Variants in DNAJC18 observed in about 807,000 individuals in gnomAD.
DNAJC18 encodes dnaJ homolog subfamily C member 18.
A neutral mutation model predicts 48.6 loss-of-function variants in DNAJC18; 40 were observed. That is an observed-to-expected ratio of 0.82 (90% CI 0.64 to 1.07). The LOEUF is 1.07. DNAJC18 is among the 50% of genes least tolerant of loss of function. The pLI, the probability that DNAJC18 is intolerant of heterozygous loss-of-function variation, is 0.00. For missense variants in DNAJC18, 340 were observed against 427.7 expected (o/e 0.79, Z 1.81); for synonymous variants, 135 against 152.2 (o/e 0.89, Z 0.83).
intron 7 of DNAJC18, chr5:139,418,650 C>A: frequency 2.3e-6 from 1 of 430,100 alleles, no homozygotes. Context: ...CTTGAGAGAA[C>A]ATTAGGACTT....
At chr5:139,416,035 C>T (rs965687084) in intron 7 of DNAJC18, among the ~76,000 whole-genome samples, 1 of 152,240 alleles carries the variant, frequency 6.6e-6, no homozygotes, top group East Asian at 1.9e-4. Context: ...AGCTCAGAGA[C>T]CCCTGCTCCA....
rs368497975 is a variant in DNAJC18 at position 139,412,883 on chromosome 5, C to T, written c.*1265G>A. On this transcript the variant is annotated 3_prime_UTR_variant, in exon 8 of 8. Transcript: ENST00000302060. ...TGAGGGGTCATGGGGTTGGGGAGGA[C>T]GGAGGCATCCTCGGGAAAGGTTCTG... is the stretch of plus-strand genomic sequence containing the variant. The T allele has an allele frequency of 6.0e-5, 24 of 398,480 alleles. No individual in the cohort carries two copies. The highest frequency in any genetic ancestry group is 1.9e-4 in the African/African-American group (9 of 48,608). The allele number at this position is 398,480 out of a possible 1,614,324, so 24.7% of individuals were successfully genotyped here. A position where few individuals can be genotyped will look rare whatever the true frequency, so the allele number is the denominator to read the frequency against.
Position 139,426,171 on chromosome 5 carries a change from C to A in DNAJC18, c.559+1G>T. 1 of 1,613,170 alleles carries A rather than the reference C, an allele frequency of 6.2e-7. No individual in the cohort carries two copies. Among genetic ancestry groups the A allele is most frequent in the Non-Finnish European group, 8.5e-7 (1 of 1,179,670 alleles). On this transcript the variant is annotated splice_donor_variant, in intron 4 of 7. Transcript: ENST00000302060. LOFTEE classifies it high-confidence loss of function. ...AAGAATGATAATTTGGGGAGACTAACCTGTAGGAAAATGTCCTCCAAAGAA... is the reference window on the plus strand; with the variant it reads ...AAGAATGATAATTTGGGGAGACTAAACTGTAGGAAAATGTCCTCCAAAGAA...
In DNAJC18 at chr5:139,424,717, CAAAAAAAAAAA is replaced by C. The variant is rs70982777; in HGVS notation, c.669+277_669+287del. On this transcript the variant is annotated intron_variant, in intron 5 of 7. Transcript: ENST00000302060. ...CCTGAGTGACAGTGAGACCCTCTCT[CAAAAAAAAAAA>C]AAAAAAAAAAAAAAAAAAAAAAGCC... is the stretch of plus-strand genomic sequence containing the variant. Among the ~76,000 whole-genome samples, 42 of 23,112 alleles carry C rather than the reference CAAAAAAAAAAA, an allele frequency of 1.8e-3. No homozygotes were observed. In the East Asian group the frequency reaches 0.025, roughly 14 times the overall value. The allele number at this position is 23,112 out of a possible 152,430, so 15.2% of individuals were successfully genotyped here. A position where few individuals can be genotyped will look rare whatever the true frequency, so the allele number is the denominator to read the frequency against.
intron 2 of DNAJC18, among the ~76,000 whole-genome samples, chr5:139,436,515 C>CTTTTTT (rs57926576): frequency 8.0e-3 from 538 of 67,520 alleles, no homozygotes; most frequent in Non-Finnish European, 0.01. Context: ...ATCCCTCTTT[C>CTTTTTT]TTTTTTTTTT....
rs972880903 is a variant in DNAJC18, at chr5:139,413,793, T to G, written c.*355A>C. On this transcript the variant is annotated 3_prime_UTR_variant, in exon 8 of 8. Transcript: ENST00000302060. ...TTTGGCTAAGCCTAGGAATGCCTGGTTCTTAAGACTTCACTGAAGAAGGGA... is the reference window on the plus strand; with the variant it reads ...TTTGGCTAAGCCTAGGAATGCCTGGGTCTTAAGACTTCACTGAAGAAGGGA... 4.8e-5 allele frequency: 9 copies of G among 188,930 alleles called. No homozygotes were observed. Among genetic ancestry groups the G allele is most frequent in the Non-Finnish European group, 8.6e-5 (8 of 93,072 alleles). The allele number at this position is 188,930 out of a possible 1,614,324, so 11.7% of individuals were successfully genotyped here.
intron 2 of DNAJC18, among the ~76,000 whole-genome samples, chr5:139,434,276 A>G (rs1759375603): frequency 6.6e-6 from 1 of 152,066 alleles, no homozygotes; most frequent in Non-Finnish European, 1.5e-5. Context: ...TGCCACTCAA[A>G]CCTGTGTTGT....
At position 139,435,705 on chromosome 5, in the gene DNAJC18, G is replaced by GTTTTTTTTTTTTTTTTT. The variant is rs377125785; in HGVS notation, c.227+1650_227+1666dup. Among the ~76,000 whole-genome samples the GTTTTTTTTTTTTTTTTT allele has an allele frequency of 8.1e-3, 335 of 41,188 alleles. 107 individuals carry two copies. The highest frequency in any genetic ancestry group is 0.033 in the African/African-American group (297 of 8,976). 27.0% of individuals were successfully genotyped at this position (41,188 alleles called of 152,430 possible). On this transcript the variant is annotated intron_variant, in intron 2 of 7. Coordinates refer to ENST00000302060, the MANE Select transcript of DNAJC18 (RefSeq NM_152686.4). ...GGGCCTGGACTTTTCTTCATTGGAA[G>GTTTTTTTTTTTTTTTTT]TTTTTTTTTTTTTTTTTTTTTTTTT...
chr5:139,427,906 G>A (rs1488340207), intron 3 of DNAJC18, among the ~76,000 whole-genome samples: 1 of 152,082 alleles, frequency 6.6e-6, no homozygotes, highest in Non-Finnish European at 1.5e-5. Flanking sequence ...CCCCATAGGC[G>A]ACAACTACCT....
At chr5:139,426,465 C>T (rs1314146101) in intron 3 of DNAJC18, 108 bp from the exon 4 acceptor site, 10 of 1,321,870 alleles carry the variant, frequency 7.6e-6, no homozygotes, top group Non-Finnish European at 9.2e-6. Flanking sequence ...TGGACAACTT[C>T]GCAGGGGCCC....
Position 139,414,167 on chromosome 5 carries a change from C to A in DNAJC18, c.1058G>T (p.Gly353Val), listed in dbSNP as rs1414427797. ...ATCCTCTCAGCCACCTCTGCGTAGGCCAATGAGTTTGGAAAGTTTCTCACA... is the reference window on the plus strand; with the variant it reads ...ATCCTCTCAGCCACCTCTGCGTAGGACAATGAGTTTGGAAAGTTTCTCACA... The part of the protein sequence containing the change: ...ENCEKLSKLI[G>V]LRRGG The change falls in exon 8 of 8, where the codon GGC (glycine) becomes GTC (valine). Residue 353 changes from glycine to valine, a missense_variant. By Grantham distance (109) the Gly-to-Val change is moderately radical. Transcript: ENST00000302060. 1.9e-6 allele frequency: 3 copies of A among 1,614,162 alleles called. No homozygotes were observed. The highest frequency in any genetic ancestry group is 2.5e-6 in the Non-Finnish European group (3 of 1,180,016).
chr5:139,426,405 C>T (rs1311292666), intron 3 of DNAJC18, 48 bp from the exon 4 acceptor site: 2 of 1,597,490 alleles, frequency 1.3e-6, no homozygotes, highest in African/African-American at 1.3e-5. Context: ...TTTGCTATGG[C>T]TGAGAGTGAT....
chr5:139,430,060 C>T (rs942853761), intron 2 of DNAJC18, among the ~76,000 whole-genome samples: 5 of 152,076 alleles, frequency 3.3e-5, no homozygotes, highest in Admixed American at 6.6e-5. Flanking sequence ...ATCTCAGCAA[C>T]GTTTTATACT....
At chr5:139,424,584 G>A (rs1461697062) in intron 5 of DNAJC18, among the ~76,000 whole-genome samples, 1 of 151,834 alleles carries the variant, frequency 6.6e-6, no homozygotes. Flanking sequence ...GCTGGGCATG[G>A]TGGCACGCAC....
intron 2 of DNAJC18, among the ~76,000 whole-genome samples, chr5:139,433,444 CAAA>C (rs1329018409): frequency 1.5e-5 from 1 of 66,738 alleles, no homozygotes. Flanking sequence ...AACTCCATCT[CAAA>C]AAAAAAAAAA....
At chr5:139,426,475 C>A in intron 3 of DNAJC18, 118 bp from the exon 4 acceptor site, 1 of 1,247,358 alleles carries the variant, frequency 8.0e-7, no homozygotes, top group East Asian at 2.4e-5. Flanking sequence ...CGCAGGGGCC[C>A]AAGAAGAGAT....
chr5:139,416,963 G>A (rs536139233), intron 7 of DNAJC18, among the ~76,000 whole-genome samples: 18 of 152,304 alleles, frequency 1.2e-4, no homozygotes, highest in African/African-American at 3.6e-4. Flanking sequence ...CGAGGTGGGC[G>A]GATTACCTGA....
chr5:139,427,607 C>A (rs1759263823), intron 3 of DNAJC18, among the ~76,000 whole-genome samples: 1 of 152,126 alleles, frequency 6.6e-6, no homozygotes, highest in Admixed American at 6.6e-5. Flanking sequence ...TATTACGTCA[C>A]CTTGCCCCTA....
chr5:139,438,177 G>A (rs563726834), intron 1 of DNAJC18, among the ~76,000 whole-genome samples: 3 of 151,994 alleles, frequency 2.0e-5, no homozygotes, highest in East Asian at 1.9e-4. Context: ...TTAGCCGGGC[G>A]TGGTGGCAGG....
Sources: allele counts gnomAD v4.1 joint callset (sites outside exome capture counted in the v4.1 genomes callset), GRCh38; gene constraint gnomAD v4.1.1; transcripts MANE v1.5; gene names NCBI Gene and HGNC (gene_info 2026-07-23, HGNC 2026-07-21).